KIAA1549L: variants seen among roughly 807,000 people sequenced by gnomAD.
The protein encoded by KIAA1549L is UPF0606 protein KIAA1549L.
KIAA1549L carries 88 observed loss-of-function variants against 160.7 expected under a neutral mutation model. The ratio of observed to expected loss-of-function variants is 0.55; its 90% CI spans 0.46 to 0.65. The LOEUF (loss-of-function observed/expected upper bound fraction) is 0.65. Ranked by LOEUF, KIAA1549L falls within the 30% of genes least tolerant of loss-of-function variation. The pLI is 0.00. For missense variants in KIAA1549L, 2,258 were observed against 2,437.5 expected (o/e 0.93, Z 1.55); for synonymous variants, 950 against 976.7 (o/e 0.97, Z 0.51).
intron 1 of KIAA1549L, among the ~76,000 whole-genome samples, chr11:33,378,076 G>A (rs1270622973): frequency 1.3e-5 from 2 of 152,172 alleles, no homozygotes; most frequent in African/African-American, 4.8e-5. Context: ...CGATTTTTAT[G>A]CCTGTAGCAG....
At chr11:33,599,074 T>C in intron 13 of KIAA1549L, 127 bp downstream of exon 13, 1 of 1,130,012 alleles carries the variant, frequency 8.8e-7, no homozygotes, top group East Asian at 2.6e-5. Flanking sequence ...GTTCTTTCTA[T>C]TCTGCCCCAC....
intron 1 of KIAA1549L, among the ~76,000 whole-genome samples, chr11:33,414,819 G>C (rs1341751280): frequency 6.6e-6 from 1 of 152,100 alleles, no homozygotes; most frequent in African/African-American, 2.4e-5. Flanking sequence ...TGAGGAGAGA[G>C]AGTGTGTGAG....
chr11:33,423,102 T>C (rs1423123327), intron 1 of KIAA1549L, among the ~76,000 whole-genome samples: 1 of 152,222 alleles, frequency 6.6e-6, no homozygotes, highest in African/African-American at 2.4e-5. Flanking sequence ...TGCGAGGACT[T>C]CAGAAATTTC....
At position 33,543,450 on chromosome 11, in the gene KIAA1549L, A is replaced by C; in HGVS notation, c.1887A>C (p.Ile629=). 1.2e-6 allele frequency: 2 copies of C among 1,613,556 alleles called. No homozygotes were observed. The highest frequency in any genetic ancestry group is 1.7e-6 in the Non-Finnish European group (2 of 1,179,816). Residue 629 remains isoleucine, a synonymous_variant, in exon 2 of 21, where the codon ATA becomes ATC. Coordinates refer to ENST00000658780, the MANE Select transcript of KIAA1549L (RefSeq NM_012194.3). ...PLPSGPPLPS[I]LSIQATQTVF... ...CTTCAGGACCACCTCTACCTTCCAT[A>C]CTCTCCATACAAGCCACCCAGACTG...
intron 1 of KIAA1549L, among the ~76,000 whole-genome samples, chr11:33,518,676 G>A (rs1483887919): frequency 6.6e-6 from 1 of 152,152 alleles, no homozygotes; most frequent in East Asian, 1.9e-4. Context: ...ATATTATAAA[G>A]TCTGTTTTAT....
intron 1 of KIAA1549L, among the ~76,000 whole-genome samples, chr11:33,517,407 C>G (rs186654476): frequency 7.6e-4 from 115 of 152,172 alleles, no homozygotes; most frequent in Non-Finnish European, 9.9e-4. Flanking sequence ...GGAAACTTGC[C>G]AAGATCATAC....
chr11:33,578,242 C>T (rs979248374), intron 10 of KIAA1549L, among the ~76,000 whole-genome samples: 9 of 152,070 alleles, frequency 5.9e-5, no homozygotes, highest in Non-Finnish European at 8.8e-5. Context: ...GGAGGCTTTT[C>T]GGAGTGAGAG....
At position 33,544,997 on chromosome 11, in the gene KIAA1549L, A is replaced by T; in HGVS notation, c.3004A>T (p.Thr1002Ser). The change falls in exon 3 of 21, where the codon ACA becomes TCA. Residue 1002 changes from threonine (T) to serine (S), a missense_variant. Physicochemically the swap from Thr to Ser is moderately conservative, Grantham distance 58 (BLOSUM62 1). Around this residue, in one of 6 missense-constraint regions of KIAA1549L, gnomAD observed 1,359 missense variants for 1,546.6 expected, o/e 0.88. Coordinates refer to ENST00000658780, the MANE Select transcript of KIAA1549L (RefSeq NM_012194.3). ...GPKRTPGAVH[T>S]AFPFTPTYMY... is the part of the protein sequence containing the mutation. ...AAAGAGGACACCAGGGGCAGTCCAT[A>T]CAGCCTTCCCATTCACACCAACCTA... 1 of 1,614,014 alleles carries T rather than the reference A, an allele frequency of 6.2e-7. No homozygotes were observed. Among genetic ancestry groups the T allele is most frequent in the Non-Finnish European group, 8.5e-7 (1 of 1,179,894 alleles).
chr11:33,578,168 T>C (rs912102057), intron 10 of KIAA1549L, among the ~76,000 whole-genome samples: 8 of 152,020 alleles, frequency 5.3e-5, no homozygotes, highest in African/African-American at 1.9e-4. Context: ...TGGCAGTTGA[T>C]GGGAGCAGTG....
At position 33,494,646 on chromosome 11, in the gene KIAA1549L, T is replaced by C. The variant is rs79743580; in HGVS notation, c.239-47156T>C. 2.4e-3 allele frequency among the ~76,000 whole-genome samples: 373 copies of C among 152,248 alleles called. 4 individuals are homozygous for C. In the South Asian group the frequency reaches 0.026, roughly 10 times the overall value. ...TTTCCAGTTGGCATCACAGGAGAGG[T>C]AATTGCATTTTAGAGAATGAGGGTG... is the stretch of plus-strand genomic sequence containing the variant. On this transcript the variant is annotated intron_variant, in intron 1 of 20. Coordinates refer to ENST00000658780, the MANE Select transcript of KIAA1549L (RefSeq NM_012194.3).
intron 1 of KIAA1549L, among the ~76,000 whole-genome samples, chr11:33,407,251 A>T (rs1366581969): frequency 6.7e-6 from 1 of 149,488 alleles, no homozygotes; most frequent in Non-Finnish European, 1.5e-5. Context: ...CGCCCGGCTA[A>T]TTTTTTGTAT....
intron 18 of KIAA1549L, among the ~76,000 whole-genome samples, chr11:33,657,562 T>C (rs530671034): frequency 3.8e-4 from 58 of 152,200 alleles, no homozygotes; most frequent in Non-Finnish European, 7.4e-4. Flanking sequence ...TTTGGGAGGC[T>C]GAGGCGGGTG....
intron 1 of KIAA1549L, among the ~76,000 whole-genome samples, chr11:33,436,087 G>A (rs574468298): frequency 1.3e-5 from 2 of 151,524 alleles, no homozygotes; most frequent in South Asian, 2.1e-4. Flanking sequence ...TAAAGTATAC[G>A]GGAAGATGTA....
rs552899641 is a variant in KIAA1549L at position 33,596,524 on chromosome 11, G to A, written c.4752-2296G>A. ...GGCCGAGGCAAATGCATCACTTGGG[G>A]TCAGGAGTTTGAGACCAGCCTGGGC... On this transcript the variant is annotated intron_variant, in intron 12 of 20. Transcript: ENST00000658780. 1.2e-4 allele frequency among the ~76,000 whole-genome samples: 19 copies of A among 152,276 alleles called. No individual in the cohort carries two copies. In the South Asian group the frequency reaches 3.7e-3, roughly 30 times the overall value.
rs374872309 is a variant in KIAA1549L at position 33,668,909 on chromosome 11, T to C, written c.*755T>C. The C allele has an allele frequency of 2.6e-5, 4 of 152,324 alleles. No individual in the cohort carries two copies. The East Asian group carries it at 7.7e-4, about 29-fold the overall frequency. The allele number at this position is 152,324 out of a possible 1,614,324, so 9.4% of individuals were successfully genotyped here. A position where few individuals can be genotyped will look rare whatever the true frequency, so the allele number is the denominator to read the frequency against. ...AAGTTAGGATCTAACTGAAAGAGAA[T>C]CGGTGCTAAGAGCTTTTAGGATCCT... On this transcript the variant is annotated 3_prime_UTR_variant, in exon 21 of 21. Coordinates refer to ENST00000658780, the MANE Select transcript of KIAA1549L (RefSeq NM_012194.3).
chr11:33,379,914 CA>C (rs1478173777), intron 1 of KIAA1549L, among the ~76,000 whole-genome samples: 11 of 152,172 alleles, frequency 7.2e-5, no homozygotes, highest in South Asian at 2.1e-4. Flanking sequence ...AAGGACGAGG[CA>C]GTTTGTAGAA....
At chr11:33,575,771 G>A (rs904194172) in intron 10 of KIAA1549L, among the ~76,000 whole-genome samples, 9 of 152,182 alleles carry the variant, frequency 5.9e-5, no homozygotes, top group Non-Finnish European at 4.4e-5. Context: ...CTTGAAAAAT[G>A]AGTTCAGATT....
chr11:33,568,274 AG>A (rs745713920), intron 9 of KIAA1549L, 47 bp downstream of exon 9: 87 of 1,521,646 alleles, frequency 5.7e-5, no homozygotes, highest in South Asian at 2.7e-4. Flanking sequence ...CTGGGGGTAG[AG>A]GGGGGGATGT....
At chr11:33,498,008 G>A (rs1017252739) in intron 1 of KIAA1549L, among the ~76,000 whole-genome samples, 1 of 152,180 alleles carries the variant, frequency 6.6e-6, no homozygotes, top group East Asian at 1.9e-4. Flanking sequence ...ACTAGTAGTG[G>A]CCGGGCATGG....
Sources: gnomAD v4.1 joint callset for allele counts (sites outside exome capture counted in the v4.1 genomes callset) on GRCh38, gnomAD v4.1.1 for gene constraint, gnomAD v4.1.1 regional missense constraint, MANE v1.5 for transcripts, NCBI Gene and HGNC (gene_info 2026-07-23, HGNC 2026-07-21) for gene names.